The following COLGALT1 variants were observed in gnomAD, a reference collection of about 807,000 sequenced individuals.
COLGALT1 encodes the protein procollagen galactosyltransferase 1.
Under a neutral mutation model 60.8 loss-of-function variants are expected in COLGALT1, and 43 were observed. The ratio of observed to expected loss-of-function variants is 0.71; its 90% CI spans 0.55 to 0.91. COLGALT1 has a LOEUF of 0.91. Among genes scored for constraint, COLGALT1 ranks in the 40% least tolerant of loss-of-function variants. The probability of loss-of-function intolerance (pLI) is 0.00; values close to 1 mark genes in which losing one functional copy is unlikely to be tolerated. For missense variants in COLGALT1, 845 were observed against 880.0 expected, an observed-to-expected ratio of 0.96 and a Z score of 0.50; for synonymous variants, 369 against 374.2, an observed-to-expected ratio of 0.99 and a Z score of 0.16.
intron 3 of COLGALT1, among the ~76,000 whole-genome samples, chr19:17,565,573 G>C (rs1206110643): frequency 1.3e-5 from 2 of 151,920 alleles, no homozygotes; most frequent in Non-Finnish European, 2.9e-5. Context: ...AGGAGGCTGA[G>C]GCAGGAGAAT....
intron 9 of COLGALT1, 24 bp downstream of exon 9, chr19:17,578,113 G>A (rs1453413434): frequency 2.5e-6 from 4 of 1,578,136 alleles, no homozygotes; most frequent in Non-Finnish European, 3.4e-6. Flanking sequence ...GATGGGCGGG[G>A]CCAGAGTTAT....
At position 17,559,362 on chromosome 19, in the gene COLGALT1, G is replaced by T; in HGVS notation, c.312G>T (p.Trp104Cys). The T allele has an allele frequency of 6.4e-7, 1 of 1,552,356 alleles. No individual in the cohort carries two copies. The highest frequency in any genetic ancestry group is 8.7e-7 in the Non-Finnish European group (1 of 1,147,400). Reference sequence around the variant, plus strand: ...ACACGTCAACTGTGCTGCGGGAGTGGCTGGTGGCCGTGAAGAGTTTGTACC... The same window carrying T: ...ACACGTCAACTGTGCTGCGGGAGTGTCTGGTGGCCGTGAAGAGTTTGTACC... The part of the protein sequence containing the change: ...MDNTSTVLRE[W>C]LVAVKSLYHS... Residue 104 changes from tryptophan to cysteine, a missense_variant, in exon 2 of 12, where the codon TGG (tryptophan) becomes TGT (cysteine). Coordinates refer to ENST00000252599, the MANE Select transcript of COLGALT1 (RefSeq NM_024656.4).
intron 9 of COLGALT1, 33 bp from the exon 10 acceptor site, chr19:17,579,449 C>G (rs574529523): frequency 6.2e-7 from 1 of 1,613,980 alleles, no homozygotes; most frequent in African/African-American, 1.3e-5. Context: ...TGGCCTTGGC[C>G]TCCCTGTGAT....
chr19:17,569,775 GT>G (rs2076301105), intron 5 of COLGALT1, among the ~76,000 whole-genome samples: 2 of 150,584 alleles, frequency 1.3e-5, no homozygotes, highest in African/African-American at 2.4e-5. Flanking sequence ...TATATTAATT[GT>G]TTAATTGGGA....
chr19:17,559,470 C>A, intron 2 of COLGALT1, 49 bp downstream of exon 2: 1 of 1,390,082 alleles, frequency 7.2e-7, no homozygotes, highest in Non-Finnish European at 1.0e-6. Flanking sequence ...TGCCTCTGCT[C>A]ACACACCCTC....
rs142395967 is a variant in COLGALT1, at chr19:17,577,209, G to A, written c.964G>A (p.Ala322Thr). The change falls in exon 7 of 12, where the codon GCA becomes ACA. Residue 322 changes from alanine to threonine, a missense_variant. Coordinates refer to ENST00000252599, the MANE Select transcript of COLGALT1 (RefSeq NM_024656.4). ...QLEVMVKHPP[A>T]EPSRFISAPT... ...GTGCCCCACAGTGAAGCACCCGCCCGCAGAGCCCTCCCGCTTCATCTCGGC... is the reference window on the plus strand; with the variant it reads ...GTGCCCCACAGTGAAGCACCCGCCCACAGAGCCCTCCCGCTTCATCTCGGC... 1,566 of 1,613,020 alleles carry A rather than the reference G, an allele frequency of 9.7e-4. 1 individual carries two copies. The highest frequency in any genetic ancestry group is 1.2e-3 in the Non-Finnish European group (1,424 of 1,179,590).
At position 17,579,676 on chromosome 19, in the gene COLGALT1, G is replaced by A; in HGVS notation, c.1394+67G>A. On this transcript the variant is annotated intron_variant, in intron 10 of 11. Transcript: ENST00000252599. ...GCAAGGCCAGGACTTAGAGGTGGGG[G>A]TGGGGGCAGGGTGGAGCTGGGACCT... 3.3e-6 allele frequency: 5 copies of A among 1,504,772 alleles called. 1 individual carries two copies. The highest frequency in any genetic ancestry group is 2.3e-5 in the South Asian group (2 of 85,332). The allele number at this position is 1,504,772 out of a possible 1,614,324, so 93.2% of individuals were successfully genotyped here.
rs907882478 is a variant in COLGALT1, at chr19:17,568,517, C to T, written c.633C>T (p.Tyr211=). Reference sequence around the variant, plus strand: ...TCGCTCTCTCCCCACAGGGCTACTACAAGCGCACACCTGCCTACATCCCTA... The same window carrying T: ...TCGCTCTCTCCCCACAGGGCTACTATAAGCGCACACCTGCCTACATCCCTA... ...FWCGMTSQGY[Y]KRTPAYIPIR... Residue 211 remains tyrosine, a synonymous_variant, in exon 5 of 12, where the codon TAC becomes TAT. Transcript: ENST00000252599. 8 of 1,614,102 alleles carry T rather than the reference C, an allele frequency of 5.0e-6. No homozygotes were observed. The highest frequency in any genetic ancestry group is 6.8e-6 in the Non-Finnish European group (8 of 1,179,964).
At chr19:17,568,946 T>C (rs987876502) in intron 5 of COLGALT1, among the ~76,000 whole-genome samples, 3 of 152,126 alleles carry the variant, frequency 2.0e-5, no homozygotes, top group African/African-American at 7.2e-5. Context: ...ATCTATTGGT[T>C]GGTCAGGCAG....
chr19:17,557,203 G>A (rs947177899), intron 1 of COLGALT1, among the ~76,000 whole-genome samples: 1 of 152,196 alleles, frequency 6.6e-6, no homozygotes, highest in African/African-American at 2.4e-5. Context: ...CTTAACAAAT[G>A]TTTGTTGAAT....
At chr19:17,575,592 G>C (rs2076336196) in intron 6 of COLGALT1, among the ~76,000 whole-genome samples, 1 of 152,014 alleles carries the variant, frequency 6.6e-6, no homozygotes, top group Admixed American at 6.6e-5. Flanking sequence ...TGTTGGCCAG[G>C]CTGGTCTCGA....
Position 17,560,332 on chromosome 19 carries a change from A to G in COLGALT1, c.372-16A>G. 6.2e-7 allele frequency: 1 copy of G among 1,608,250 alleles called. No individual in the cohort carries two copies. Among genetic ancestry groups the G allele is most frequent in the Non-Finnish European group, 8.5e-7 (1 of 1,175,396 alleles). On this transcript the variant is annotated splice_polypyrimidine_tract_variant and intron_variant, in intron 2 of 11. Transcript: ENST00000252599. ...TAGTGCCTTGTGATGTCCACATCAC[A>G]GCTGCCTCCCCATAGGTCCTACCCG...
At position 17,577,993 on chromosome 19, in the gene COLGALT1, C is replaced by A; in HGVS notation, c.1170C>A (p.Ile390=). The A allele has an allele frequency of 6.2e-7, 1 of 1,612,252 alleles. No individual in the cohort carries two copies. The change falls in exon 9 of 12, where the codon ATC becomes ATA. Residue 390 remains isoleucine, a synonymous_variant. Transcript: ENST00000252599. The part of the protein sequence containing the change: ...MNTSQVEALG[I]QMLPGYRDPY... The stretch of plus-strand genomic sequence containing the variant: ...CCAGCCAGGTGGAGGCGCTGGGGAT[C>A]CAGATGCTGCCTGGCTACCGGGACC...
At chr19:17,557,697 G>T (rs2076221416) in intron 1 of COLGALT1, among the ~76,000 whole-genome samples, 1 of 152,196 alleles carries the variant, frequency 6.6e-6, no homozygotes, top group South Asian at 2.1e-4. Context: ...CCCCTCCTGG[G>T]CTCAAGTGAT....
At chr19:17,557,107 G>A (rs1323469646) in intron 1 of COLGALT1, among the ~76,000 whole-genome samples, 1 of 152,062 alleles carries the variant, frequency 6.6e-6, no homozygotes, top group Non-Finnish European at 1.5e-5. Flanking sequence ...ATTAGCTTTT[G>A]GCACTACGGT....
At chr19:17,563,315 C>G (rs1463137896) in intron 3 of COLGALT1, among the ~76,000 whole-genome samples, 13 of 150,312 alleles carry the variant, frequency 8.6e-5, no homozygotes, top group Non-Finnish European at 1.8e-4. Context: ...TTCGGCCTCC[C>G]AAGTAGCTGG....
In COLGALT1 at chr19:17,559,316, C is replaced by T. The variant is rs749884457; in HGVS notation, c.266C>T (p.Ala89Val). 85 of 1,551,626 alleles carry T rather than the reference C, an allele frequency of 5.5e-5. No homozygotes were observed. The East Asian group carries it at 2.0e-3, about 37-fold the overall frequency. Residue 89 changes from alanine to valine, a missense_variant, in exon 2 of 12, where the codon GCT (alanine) becomes GTT (valine). Coordinates refer to ENST00000252599, the MANE Select transcript of COLGALT1 (RefSeq NM_024656.4). The stretch of plus-strand genomic sequence containing the variant: ...CCTGTCCCCTCTCCCTGCAGGGTGG[C>T]TACGGACCACAACATGGATAACACG... The part of the protein sequence containing the change: ...HPRERTALWV[A>V]TDHNMDNTST...
Position 17,581,342 on chromosome 19 carries a change from C to G in COLGALT1, c.1767C>G (p.Ala589=). 1 of 1,613,580 alleles carries G rather than the reference C, an allele frequency of 6.2e-7. No individual in the cohort carries two copies. Among genetic ancestry groups the G allele is most frequent in the South Asian group, 1.1e-5 (1 of 91,060 alleles). Residue 589 remains alanine (A), a synonymous_variant, in exon 12 of 12, where the codon GCC becomes GCG. Transcript: ENST00000252599. ...NEHVKTDWDR[A]KSQKMREQQA... is the part of the protein sequence containing the mutation. ...ACGTCAAGACCGACTGGGACCGCGC[C>G]AAGTCCCAGAAGATGCGGGAGCAGC... is the stretch of plus-strand genomic sequence containing the variant.
chr19:17,557,778 T>A (rs1462853591), intron 1 of COLGALT1, among the ~76,000 whole-genome samples: 2 of 151,926 alleles, frequency 1.3e-5, no homozygotes, highest in Non-Finnish European at 2.9e-5. Context: ...ATTTTTGTAT[T>A]TTTTCTAGAG....
Sources: allele counts gnomAD v4.1 joint callset (sites outside exome capture counted in the v4.1 genomes callset), GRCh38; gene constraint gnomAD v4.1.1; transcripts MANE v1.5; gene names NCBI Gene and HGNC (gene_info 2026-07-23, HGNC 2026-07-21).